EPS15: variants seen among roughly 807,000 people sequenced by gnomAD.
EPS15 encodes the protein epidermal growth factor receptor pathway substrate 15, also known as epidermal growth factor receptor substrate 15.
EPS15 carries 72 observed loss-of-function variants against 113.8 expected under a neutral mutation model. The ratio of observed to expected loss-of-function variants is 0.63; its 90% CI spans 0.52 to 0.77. EPS15 has a LOEUF of 0.77. Among genes scored for constraint, EPS15 ranks in the 30% least tolerant of loss-of-function variants. The pLI, the probability that EPS15 is intolerant of heterozygous loss-of-function variation, is 0.00. For missense variants in EPS15, 1,048 were observed against 1,045.8 expected, an observed-to-expected ratio of 1.00 and a Z score of -0.03; for synonymous variants, 344 against 363.4, an observed-to-expected ratio of 0.95 and a Z score of 0.61.
chr1:51,356,119 C>G lies in EPS15; in HGVS notation c.*581G>C. On this transcript the variant is annotated 3_prime_UTR_variant, in exon 25 of 25. Transcript: ENST00000371733. ...GAATCTGAGGCTATAATGGTTCAAC[C>G]TACAGCATCCCTTTTCCATAGTGGA... 1 of 207,906 alleles carries G rather than the reference C, an allele frequency of 4.8e-6. No individual in the cohort carries two copies. The highest frequency in any genetic ancestry group is 9.8e-6 in the Non-Finnish European group (1 of 102,018). 12.9% of individuals were successfully genotyped at this position (207,906 alleles called of 1,614,324 possible).
intron 19 of EPS15, among the ~76,000 whole-genome samples, chr1:51,400,712 C>CAAAAAAAAAAAAAAAAAA (rs375748381): frequency 7.8e-4 from 47 of 60,016 alleles, no homozygotes; most frequent in South Asian, 1.9e-3. Context: ...CAAAAAACAC[C>CAAAAAAAAAAAAAAAAAA]AAAAAAAAAA....
chr1:51,479,635 A>G (rs1050456644), intron 2 of EPS15, among the ~76,000 whole-genome samples: 1 of 152,208 alleles, frequency 6.6e-6, no homozygotes, highest in Non-Finnish European at 1.5e-5. Flanking sequence ...AAATACTTGT[A>G]TGGAATGTTT....
chr1:51,396,648 T>C (rs768252033), intron 20 of EPS15, among the ~76,000 whole-genome samples: 1 of 152,156 alleles, frequency 6.6e-6, no homozygotes, highest in Non-Finnish European at 1.5e-5. Context: ...TTTCTAGTCC[T>C]TCATCATATA....
At position 51,389,488 on chromosome 1, in the gene EPS15, G is replaced by T. The variant is rs571527086; in HGVS notation, c.2119+4893C>A. On this transcript the variant is annotated intron_variant, in intron 21 of 24. Transcript: ENST00000371733. The stretch of plus-strand genomic sequence containing the variant: ...GGCCAGGGCCATTAGGCAGGAGAAG[G>T]AAATAAAGGGTATTCAATTAGGAAA... Among the ~76,000 whole-genome samples the T allele has an allele frequency of 1.7e-4, 26 of 152,324 alleles. No individual in the cohort carries two copies. The East Asian group carries it at 4.8e-3, about 28-fold the overall frequency.
intron 21 of EPS15, among the ~76,000 whole-genome samples, chr1:51,389,979 T>C (rs888052135): frequency 6.6e-6 from 1 of 152,132 alleles, no homozygotes; most frequent in African/African-American, 2.4e-5. Flanking sequence ...AAAATTCATA[T>C]GGAACCAAAA....
At chr1:51,516,090 T>G (rs1377739822) in intron 1 of EPS15, among the ~76,000 whole-genome samples, 1 of 152,132 alleles carries the variant, frequency 6.6e-6, no homozygotes, top group Non-Finnish European at 1.5e-5. Context: ...GTTTTACTTC[T>G]CATTGACAAG....
At chr1:51,403,364 C>T in intron 17 of EPS15, 55 bp downstream of exon 17, 2 of 918,664 alleles carry the variant, frequency 2.2e-6, no homozygotes, top group Non-Finnish European at 3.5e-6. Flanking sequence ...AATTCACCTC[C>T]TCCTGTCCTT....
chr1:51,403,611 C>G (rs1323064121), intron 16 of EPS15, 79 bp from the exon 17 acceptor site: 1 of 684,800 alleles, frequency 1.5e-6, no homozygotes, highest in East Asian at 2.9e-5. Context: ...TAACCAAAAA[C>G]TATTTAAAAA....
In EPS15 at chr1:51,363,941, C is replaced by A; in HGVS notation, c.2284G>T (p.Val762Phe). ...GCTGGGGGTTCATCTTCACTTTTGA[C>A]CGATGTTTCCTCAAATACATTTTTT... Reference protein sequence around the residue: ...ITKNVFEETSVKSEDEPPALP... With the variant: ...ITKNVFEETSFKSEDEPPALP... Residue 762 changes from valine to phenylalanine, a missense_variant, in exon 23 of 25, where the codon GTC becomes TTC. Coordinates refer to ENST00000371733, the MANE Select transcript of EPS15 (RefSeq NM_001981.3). The A allele has an allele frequency of 1.2e-6, 2 of 1,613,874 alleles. No individual in the cohort carries two copies. Among genetic ancestry groups the A allele is most frequent in the Non-Finnish European group, 1.7e-6 (2 of 1,179,918 alleles).
intron 1 of EPS15, among the ~76,000 whole-genome samples, chr1:51,483,421 G>GTT (rs1230805580): frequency 6.6e-6 from 1 of 151,678 alleles, no homozygotes; most frequent in East Asian, 1.9e-4. Flanking sequence ...GTGTGTGTGT[G>GTT]TGTGTGTGTG....
At chr1:51,368,598 CTTTTTTTTTT>C (rs1228266658) in intron 21 of EPS15, among the ~76,000 whole-genome samples, 2 of 139,666 alleles carry the variant, frequency 1.4e-5, no homozygotes, top group Non-Finnish European at 3.1e-5. Context: ...TTTTTTGTTT[CTTTTTTTTTT>C]TTTTTGGAGA....
At chr1:51,433,312 T>TA (rs1651884646) in intron 12 of EPS15, among the ~76,000 whole-genome samples, 1 of 152,276 alleles carries the variant, frequency 6.6e-6, no homozygotes, top group South Asian at 2.1e-4. Context: ...TGATAAATAC[T>TA]AACATGTATT....
chr1:51,453,163 C>A (rs1295764431), intron 8 of EPS15, among the ~76,000 whole-genome samples: 1 of 152,176 alleles, frequency 6.6e-6, no homozygotes, highest in Non-Finnish European at 1.5e-5. Context: ...CAGAATGGCA[C>A]TGAGCTAAGA....
intron 22 of EPS15, among the ~76,000 whole-genome samples, chr1:51,365,266 C>T (rs186256594): frequency 6.6e-6 from 1 of 152,162 alleles, no homozygotes; most frequent in Non-Finnish European, 1.5e-5. Context: ...TCAGGCTGGA[C>T]GTAATTGCAT....
At chr1:51,466,439 T>C (rs908675491) in intron 5 of EPS15, among the ~76,000 whole-genome samples, 1 of 151,440 alleles carries the variant, frequency 6.6e-6, no homozygotes, top group African/African-American at 2.4e-5. Flanking sequence ...CTGGCCAACA[T>C]GGTGAAAAAC....
At chr1:51,429,326 CAA>C (rs1651497362) in intron 12 of EPS15, among the ~76,000 whole-genome samples, 1 of 150,710 alleles carries the variant, frequency 6.6e-6, no homozygotes, top group South Asian at 2.1e-4. Context: ...AAATTGACAA[CAA>C]AAGAGTGAAA....
rs1646499666 is a variant in EPS15, at chr1:51,366,010, A to G, written c.2139T>C (p.Ser713=). 1.2e-6 allele frequency: 2 copies of G among 1,612,928 alleles called. No homozygotes were observed. Among genetic ancestry groups the G allele is most frequent in the Admixed American group, 1.7e-5 (1 of 59,930 alleles). The stretch of plus-strand genomic sequence containing the variant: ...CTCCAAATGATTCATTCCCAAAAAC[A>G]GAAGCAAAGGGGTCTGTGGCTAAAA... ...ASDSATDPFA[S]VFGNESFGGG... The change falls in exon 22 of 25, where the codon TCT becomes TCC. Residue 713 remains serine, a synonymous_variant. Transcript: ENST00000371733.
intron 13 of EPS15, among the ~76,000 whole-genome samples, chr1:51,419,527 G>A (rs572828317): frequency 6.6e-6 from 1 of 151,986 alleles, no homozygotes; most frequent in African/African-American, 2.4e-5. Context: ...AGCCAAGTGC[G>A]GCAGGTACTG....
At chr1:51,421,053 A>G (rs749620495) in intron 13 of EPS15, among the ~76,000 whole-genome samples, 1 of 152,106 alleles carries the variant, frequency 6.6e-6, no homozygotes, top group African/African-American at 2.4e-5. Flanking sequence ...CAGTACCCCA[A>G]TAACATGGCC....
Sources: allele counts gnomAD v4.1 joint callset (sites outside exome capture counted in the v4.1 genomes callset), GRCh38; gene constraint gnomAD v4.1.1; transcripts MANE v1.5; gene names NCBI Gene and HGNC (gene_info 2026-07-23, HGNC 2026-07-21).